The following SIDT1 variants were observed in gnomAD, a reference collection of about 807,000 sequenced individuals.
SIDT1 encodes SID1 transmembrane family member 1.
Under a neutral mutation model 107.5 loss-of-function variants are expected in SIDT1, and 101 were observed. That is an observed-to-expected ratio of 0.94 (90% CI 0.80 to 1.11). The LOEUF (loss-of-function observed/expected upper bound fraction) is 1.11. SIDT1 is among the 50% of genes least tolerant of loss of function. The pLI is 0.00. For synonymous variants in SIDT1, 395 were observed against 398.2 expected (o/e 0.99, Z 0.10); for missense variants, 1,076 against 1,058.2 (o/e 1.02, Z -0.23).
At chr3:113,541,861 T>G (rs1213301848) in intron 1 of SIDT1, among the ~76,000 whole-genome samples, 3 of 151,988 alleles carry the variant, frequency 2.0e-5, no homozygotes, top group South Asian at 4.1e-4. Context: ...CTGAAAGACT[T>G]TTTTCTTTAA....
At chr3:113,542,835 C>T (rs1560009214) in intron 1 of SIDT1, among the ~76,000 whole-genome samples, 2 of 151,944 alleles carry the variant, frequency 1.3e-5, no homozygotes, top group South Asian at 2.1e-4. Flanking sequence ...ATTTGGATTG[C>T]ACTCCCATAG....
Position 113,533,244 on chromosome 3 carries a change from G to A in SIDT1, c.222+1G>A, listed in dbSNP as rs755382769. Reference sequence around the variant, plus strand: ...CAACTACACCAGCCAGCCCGACCAGGTAAGACACTCGCTCCCCTCGCTCGA... The same window carrying A: ...CAACTACACCAGCCAGCCCGACCAGATAAGACACTCGCTCCCCTCGCTCGA... On this transcript the variant is annotated splice_donor_variant, in intron 1 of 24. Coordinates refer to ENST00000264852, the MANE Select transcript of SIDT1 (RefSeq NM_017699.3). LOFTEE classifies it high-confidence loss of function. 8 of 1,463,894 alleles carry A rather than the reference G, an allele frequency of 5.5e-6. No homozygotes were observed. The South Asian group carries it at 5.6e-5, about 10-fold the overall frequency. The allele number at this position is 1,463,894 out of a possible 1,614,324, so 90.7% of individuals were successfully genotyped here.
intron 4 of SIDT1, among the ~76,000 whole-genome samples, chr3:113,577,233 G>A (rs76285304): frequency 0.013 from 2,023 of 152,270 alleles, 54 homozygotes; most frequent in African/African-American, 0.047. Context: ...TGAGAAAATC[G>A]TGTGCCCACT....
At chr3:113,567,420 C>A in intron 2 of SIDT1, 120 bp from the exon 3 acceptor site, 1 of 768,470 alleles carries the variant, frequency 1.3e-6, no homozygotes, top group Non-Finnish European at 2.1e-6. Flanking sequence ...AAATTCAAAA[C>A]ATAAGGACCT....
At chr3:113,627,514 A>C (rs998170094) in intron 24 of SIDT1, 132 bp from the exon 25 acceptor site, 32 of 728,260 alleles carry the variant, frequency 4.4e-5, no homozygotes, top group Admixed American at 9.9e-5. Context: ...AAAGGATTGC[A>C]GAGAGCTGCA....
At chr3:113,533,773 G>T (rs146183174) in intron 1 of SIDT1, among the ~76,000 whole-genome samples, 6 of 152,180 alleles carry the variant, frequency 3.9e-5, no homozygotes, top group African/African-American at 1.2e-4. Flanking sequence ...CACTTCCTGC[G>T]TTTTTGTGCC....
At chr3:113,608,070 A>G (rs1168035498) in intron 15 of SIDT1, 24 bp from the exon 16 acceptor site, 3 of 1,552,312 alleles carry the variant, frequency 1.9e-6, no homozygotes, top group Non-Finnish European at 2.6e-6. Flanking sequence ...TGACTCTCTC[A>G]TGGTCTCTCA....
chr3:113,546,754 C>T (rs1234112028), intron 1 of SIDT1, among the ~76,000 whole-genome samples: 2 of 152,062 alleles, frequency 1.3e-5, no homozygotes. Context: ...TACCTTGAAA[C>T]GTCTTTGTTG....
At position 113,567,663 on chromosome 3, in the gene SIDT1, T is replaced by A. The variant is rs1942047263; in HGVS notation, c.468T>A (p.Gly156=). The A allele has an allele frequency of 6.2e-7, 1 of 1,614,006 alleles. No homozygotes were observed. The highest frequency in any genetic ancestry group is 1.1e-5 in the South Asian group (1 of 91,076). The part of the protein sequence containing the change: ...FVDVASMAPL[G]AQYKLLVTKL... ...ATGTCGCATCCATGGCACCCCTGGG[T>A]GCTCAGTACAAACTGCTAGTTACCA... The change falls in exon 3 of 25, where the codon GGT becomes GGA. Residue 156 remains glycine, a synonymous_variant. Coordinates refer to ENST00000264852, the MANE Select transcript of SIDT1 (RefSeq NM_017699.3).
intron 19 of SIDT1, among the ~76,000 whole-genome samples, chr3:113,615,282 A>C (rs1225779400): frequency 1.3e-5 from 2 of 152,198 alleles, no homozygotes; most frequent in East Asian, 3.9e-4. Context: ...CCACAGAGAC[A>C]GGTTTCTCCC....
intron 9 of SIDT1, among the ~76,000 whole-genome samples, chr3:113,585,817 G>T (rs1162669962): frequency 6.6e-6 from 1 of 152,134 alleles, no homozygotes; most frequent in African/African-American, 2.4e-5. Flanking sequence ...GGAGGTAATT[G>T]TGCTGTAATT....
chr3:113,543,378 C>G (rs1363939021), intron 1 of SIDT1, among the ~76,000 whole-genome samples: 1 of 152,068 alleles, frequency 6.6e-6, no homozygotes, highest in Non-Finnish European at 1.5e-5. Context: ...TCAGATTGGC[C>G]CTGCAGTCTT....
intron 6 of SIDT1, among the ~76,000 whole-genome samples, chr3:113,583,184 G>A (rs9854140): frequency 0.28 from 42,823 of 151,828 alleles, 6,684 homozygotes; most frequent in East Asian, 0.59. Flanking sequence ...TTGAAATCAG[G>A]AATGTATATC....
intron 1 of SIDT1, among the ~76,000 whole-genome samples, chr3:113,551,647 G>A (rs72950870): frequency 0.03 from 4,598 of 152,030 alleles, 107 homozygotes; most frequent in African/African-American, 0.067. Context: ...TTTTATTATC[G>A]TTTTCCCCCA....
intron 17 of SIDT1, among the ~76,000 whole-genome samples, 175 bp from the exon 18 acceptor site, chr3:113,610,833 C>T (rs1459013313): frequency 2.6e-5 from 4 of 152,108 alleles, no homozygotes; most frequent in Non-Finnish European, 5.9e-5. Context: ...CGTGCGGTCT[C>T]CTAGAGAATG....
At chr3:113,541,035 G>T (rs1938775621) in intron 1 of SIDT1, among the ~76,000 whole-genome samples, 1 of 151,776 alleles carries the variant, frequency 6.6e-6, no homozygotes, top group Non-Finnish European at 1.5e-5. Flanking sequence ...TTGGTAAGTT[G>T]TATTTGCATT....
At chr3:113,608,247 G>A (rs1396303555) in intron 16 of SIDT1, 30 bp downstream of exon 16, 9 of 1,563,828 alleles carry the variant, frequency 5.8e-6, no homozygotes, top group Non-Finnish European at 7.8e-6. Context: ...GAGCTAGGAA[G>A]GGTTATGGAT....
At chr3:113,534,193 C>T (rs1001070407) in intron 1 of SIDT1, among the ~76,000 whole-genome samples, 17 of 152,106 alleles carry the variant, frequency 1.1e-4, no homozygotes, top group African/African-American at 3.6e-4. Context: ...ACCAGCATCC[C>T]CTACCCTCTA....
intron 1 of SIDT1, among the ~76,000 whole-genome samples, chr3:113,544,791 A>G (rs1206339891): frequency 6.6e-6 from 1 of 152,136 alleles, no homozygotes; most frequent in Non-Finnish European, 1.5e-5. Context: ...TCTCCACTGT[A>G]AATTTACTGT....
Sources: allele counts gnomAD v4.1 joint callset (sites outside exome capture counted in the v4.1 genomes callset), GRCh38; gene constraint gnomAD v4.1.1; transcripts MANE v1.5; gene names NCBI Gene and HGNC (gene_info 2026-07-23, HGNC 2026-07-21).